CSMD2: variants seen among roughly 807,000 people sequenced by gnomAD.
The protein encoded by CSMD2 is CUB and sushi domain-containing protein 2.
Under a neutral mutation model 398.5 loss-of-function variants are expected in CSMD2, and 130 were observed. The ratio of observed to expected loss-of-function variants is 0.33; its 90% CI spans 0.28 to 0.38. CSMD2 has a LOEUF of 0.38. CSMD2 is among the 10% of genes least tolerant of loss of function. The pLI is 1.00. For missense variants in CSMD2, 3,829 were observed against 4,764.9 expected (o/e 0.80, Z 5.78); for synonymous variants, 1,828 against 1,908.5 (o/e 0.96, Z 1.10).
chr1:33,603,717 T>C (rs1640387282), intron 42 of CSMD2, among the ~76,000 whole-genome samples: 1 of 152,194 alleles, frequency 6.6e-6, no homozygotes, highest in Non-Finnish European at 1.5e-5. Flanking sequence ...GTCATCATCA[T>C]GAATGCCACG....
chr1:33,981,129 T>A (rs1204536910), intron 3 of CSMD2, among the ~76,000 whole-genome samples: 1 of 152,142 alleles, frequency 6.6e-6, no homozygotes, highest in Non-Finnish European at 1.5e-5. Flanking sequence ...AGGCAGTGGG[T>A]GATGTGAGTG....
chr1:34,128,113 A>G (rs1490061125), intron 1 of CSMD2, among the ~76,000 whole-genome samples: 4 of 143,312 alleles, frequency 2.8e-5, no homozygotes, highest in African/African-American at 7.6e-5. Context: ...TCTGCTCCAC[A>G]CCCAAGACCA....
chr1:33,716,447 A>T lies in CSMD2; in HGVS notation c.3056T>A (p.Leu1019His). ...GGTGAAGCTGCCGTTCTCAGTGATG[A>T]GGAGGTAGTCATGGCCACTTTCCAG... The part of the protein sequence containing the change: ...FHLESGHDYL[L>H]ITENGSFTQP... Residue 1019 changes from leucine (L) to histidine (H), a missense_variant, in exon 20 of 71, where the codon CTC (leucine) becomes CAC (histidine). By Grantham distance (99) the Leu-to-His change is moderately conservative. Coordinates refer to ENST00000373381, the MANE Select transcript of CSMD2 (RefSeq NM_001281956.2). 1 of 1,613,982 alleles carries T rather than the reference A, an allele frequency of 6.2e-7. No individual in the cohort carries two copies. Among genetic ancestry groups the T allele is most frequent in the Non-Finnish European group, 8.5e-7 (1 of 1,180,010 alleles).
intron 2 of CSMD2, among the ~76,000 whole-genome samples, chr1:34,052,495 C>CTCTGTGTGTGTGTGTG (rs1653310213): frequency 2.2e-5 from 3 of 134,094 alleles, no homozygotes; most frequent in African/African-American, 8.6e-5. Flanking sequence ...TATGGGACAA[C>CTCTGTGTGTGTGTGTG]TGTGTGTGTG....
At chr1:34,155,743 G>A (rs770620363) in intron 1 of CSMD2, among the ~76,000 whole-genome samples, 1 of 152,154 alleles carries the variant, frequency 6.6e-6, no homozygotes, top group Non-Finnish European at 1.5e-5. Flanking sequence ...CCGAGCCCTG[G>A]GCAGGATCTC....
chr1:33,841,641 G>GA (rs10628548), intron 6 of CSMD2, among the ~76,000 whole-genome samples: 62,667 of 149,514 alleles, frequency 0.42, 13,459 homozygotes, highest in East Asian at 0.62. Flanking sequence ...TACCAGAACT[G>GA]AAAAAAAAAA....
intron 2 of CSMD2, among the ~76,000 whole-genome samples, chr1:34,041,928 C>A (rs184317555): frequency 7.4e-4 from 112 of 152,332 alleles, no homozygotes; most frequent in Non-Finnish European, 1.1e-3. Flanking sequence ...CAATTTTAAT[C>A]CCTCAAATAT....
intron 3 of CSMD2, among the ~76,000 whole-genome samples, chr1:33,973,596 TTCTTC>T (rs1307289223): frequency 6.6e-6 from 1 of 152,192 alleles, no homozygotes; most frequent in African/African-American, 2.4e-5. Flanking sequence ...GGTGAGATGA[TTCTTC>T]TCTTCTCTTT....
At chr1:33,678,144 C>T (rs1163332513) in intron 25 of CSMD2, among the ~76,000 whole-genome samples, 1 of 151,520 alleles carries the variant, frequency 6.6e-6, no homozygotes, top group Non-Finnish European at 1.5e-5. Flanking sequence ...CGTGGCTCCT[C>T]CCCGACTTCT....
intron 22 of CSMD2, among the ~76,000 whole-genome samples, chr1:33,702,261 C>G (rs1314540023): frequency 6.6e-6 from 1 of 152,052 alleles, no homozygotes. Flanking sequence ...TTCAAATAAA[C>G]TATAAATTTA....
chr1:33,808,034 T>C lies in CSMD2; in HGVS notation c.1446+2709A>G, dbSNP rs575006758. On this transcript the variant is annotated intron_variant, in intron 10 of 70. Coordinates refer to ENST00000373381, the MANE Select transcript of CSMD2 (RefSeq NM_001281956.2). ...ACTACAGATAAAGAGAGTTACTACA[T>C]AATTATTTTTGAAACAGTTCAATTT... Among the ~76,000 whole-genome samples, 220 of 152,264 alleles carry C rather than the reference T, an allele frequency of 1.4e-3. 1 individual carries two copies. The highest frequency in any genetic ancestry group is 5.2e-3 in the African/African-American group (217 of 41,586).
intron 60 of CSMD2, among the ~76,000 whole-genome samples, chr1:33,538,650 G>A (rs1488049072): frequency 6.6e-6 from 1 of 152,184 alleles, no homozygotes; most frequent in Non-Finnish European, 1.5e-5. Context: ...TATCCAGAAG[G>A]AGGCAACTGA....
chr1:33,623,282 C>A (rs939574884), intron 36 of CSMD2, 88 bp downstream of exon 36: 1 of 907,556 alleles, frequency 1.1e-6, no homozygotes, highest in African/African-American at 1.7e-5. Flanking sequence ...TAAGTGATAT[C>A]TCAATAATAA....
chr1:34,088,422 T>C (rs146113510), intron 2 of CSMD2, among the ~76,000 whole-genome samples: 1 of 152,254 alleles, frequency 6.6e-6, no homozygotes, highest in Non-Finnish European at 1.5e-5. Context: ...GCTCTTCCCC[T>C]TGGGAGTCAG....
intron 4 of CSMD2, among the ~76,000 whole-genome samples, chr1:33,920,667 C>T (rs970836623): frequency 2.6e-5 from 4 of 151,766 alleles, no homozygotes; most frequent in Admixed American, 6.6e-5. Flanking sequence ...GACTTTTACT[C>T]GGAATGAGTT....
rs911345986 is a variant in CSMD2, at chr1:34,163,205, C to T, written c.187+1706G>A. Among the ~76,000 whole-genome samples, 77 of 152,372 alleles carry T rather than the reference C, an allele frequency of 5.1e-4. No individual in the cohort carries two copies. The highest frequency in any genetic ancestry group is 1.8e-3 in the African/African-American group (73 of 41,600). ...GACCGGCCTCGCCTCAACGTACGTC[C>T]GGGAGGCCTGGCGGGAGGTAGCAGC... is the stretch of plus-strand genomic sequence containing the variant. On this transcript the variant is annotated intron_variant, in intron 1 of 70. Coordinates refer to ENST00000373381, the MANE Select transcript of CSMD2 (RefSeq NM_001281956.2). This position sits in a 1 kb window ranked among gnomAD's most constrained non-coding sequence, Gnocchi z 5.4.
intron 19 of CSMD2, among the ~76,000 whole-genome samples, chr1:33,723,947 T>C (rs1351397757): frequency 2.0e-5 from 3 of 152,090 alleles, no homozygotes; most frequent in Admixed American, 6.5e-5. Flanking sequence ...CTGAGTGAGA[T>C]TGGACAGCTG....
At chr1:33,652,556 A>G (rs1643818633) in intron 27 of CSMD2, 95 bp from the exon 28 acceptor site, 2 of 1,410,186 alleles carry the variant, frequency 1.4e-6, no homozygotes, top group Non-Finnish European at 2.0e-6. Flanking sequence ...GGAGAGGCTG[A>G]GGCTGACAGG....
At chr1:33,674,816 G>A (rs1328712191) in intron 25 of CSMD2, among the ~76,000 whole-genome samples, 16 of 152,284 alleles carry the variant, frequency 1.1e-4, no homozygotes, top group African/African-American at 2.9e-4. Flanking sequence ...ACTCAAAACC[G>A]CTCAACTACA....
Sources: allele counts gnomAD v4.1 joint callset (sites outside exome capture counted in the v4.1 genomes callset), GRCh38; gene constraint gnomAD v4.1.1; non-coding constraint Gnocchi (gnomAD v3.1); transcripts MANE v1.5; gene names NCBI Gene and HGNC (gene_info 2026-07-23, HGNC 2026-07-21).